Variants in MBP observed in about 807,000 individuals in gnomAD.
MBP encodes the protein myelin basic protein.
MBP carries 16 observed loss-of-function variants against 35.8 expected under a neutral mutation model. That is an observed-to-expected ratio of 0.45 (90% CI 0.30 to 0.68). The LOEUF is 0.68. MBP is among the 30% of genes least tolerant of loss of function. MBP has a pLI of 0.08. For synonymous variants in MBP, 143 were observed against 159.6 expected (o/e 0.90, Z 0.78); for missense variants, 380 against 404.7 (o/e 0.94, Z 0.52).
At chr18:77,123,216 G>A (rs1367486655) in intron 1 of MBP, among the ~76,000 whole-genome samples, 1 of 152,130 alleles carries the variant, frequency 6.6e-6, no homozygotes, top group Non-Finnish European at 1.5e-5. Flanking sequence ...TAGCAAACAT[G>A]GTAGCTTTCA....
intron 7 of MBP, chr18:76,986,746 C>A: frequency 3.0e-6 from 3 of 985,490 alleles, no homozygotes; most frequent in Non-Finnish European, 3.6e-6. Context: ...CACTTCCCTG[C>A]AAGCGTTAAG....
At chr18:77,004,205 T>C (rs1419288665) in intron 4 of MBP, 1 of 152,026 alleles carries the variant, frequency 6.6e-6, no homozygotes, top group Non-Finnish European at 1.5e-5. Flanking sequence ...TTTTCAATAC[T>C]AGTTAAATAC....
intron 1 of MBP, among the ~76,000 whole-genome samples, chr18:77,112,444 C>A (rs549119300): frequency 2.4e-4 from 37 of 152,324 alleles, no homozygotes; most frequent in African/African-American, 8.2e-4. Flanking sequence ...GCTTTCCCAG[C>A]CCTCGTGCAT....
chr18:77,042,089 G>A (rs936378026), intron 3 of MBP, among the ~76,000 whole-genome samples: 1 of 152,026 alleles, frequency 6.6e-6, no homozygotes, highest in African/African-American at 2.4e-5. Flanking sequence ...CAGAAATCAA[G>A]GAAAACCATG....
Position 76,984,929 on chromosome 18 carries a change from C to T in MBP, c.751-35G>A, listed in dbSNP as rs149486356. The T allele has an allele frequency of 3.8e-4, 606 of 1,609,684 alleles. 1 individual carries two copies. Among genetic ancestry groups the T allele is most frequent in the Admixed American group, 7.7e-4 (46 of 59,988 alleles). Reference sequence around the variant, plus strand: ...AAGACCACGGAGCTCAACCTCCACCCGCGGTGCTGGGCACGCTGCTTGAGC... The same window carrying T: ...AAGACCACGGAGCTCAACCTCCACCTGCGGTGCTGGGCACGCTGCTTGAGC... On this transcript the variant is annotated intron_variant, in intron 7 of 8. Coordinates refer to ENST00000355994, the MANE Select transcript of MBP (RefSeq NM_001025101.2).
chr18:77,016,037 G>C (rs1971604699), intron 4 of MBP: 35 of 985,306 alleles, frequency 3.6e-5, no homozygotes, highest in Non-Finnish European at 3.9e-5. Flanking sequence ...GTAAAATACT[G>C]CATCTGCAAT....
intron 2 of MBP, among the ~76,000 whole-genome samples, chr18:77,075,988 G>T (rs146456974): frequency 6.6e-6 from 1 of 152,202 alleles, no homozygotes; most frequent in East Asian, 1.9e-4. Flanking sequence ...GGAGGGATTC[G>T]ATTACATTTA....
chr18:77,013,342 C>A (rs1971453487), intron 4 of MBP: 2 of 985,336 alleles, frequency 2.0e-6, no homozygotes, highest in Non-Finnish European at 1.2e-6. Flanking sequence ...TGTGTTGCTG[C>A]TGCCTTCCGT....
chr18:77,083,011 G>A (rs1269147286), intron 2 of MBP, among the ~76,000 whole-genome samples: 5 of 150,826 alleles, frequency 3.3e-5, no homozygotes, highest in East Asian at 3.9e-4. Flanking sequence ...GTCTTGTTCC[G>A]TCACCCAGGC....
intron 2 of MBP, among the ~76,000 whole-genome samples, chr18:77,088,166 T>C (rs1009969111): frequency 6.6e-6 from 1 of 152,156 alleles, no homozygotes; most frequent in East Asian, 1.9e-4. Context: ...AAACAAATAC[T>C]GTAGCCTGGG....
chr18:77,124,661 G>A (rs1045321730), intron 1 of MBP, among the ~76,000 whole-genome samples: 5 of 152,226 alleles, frequency 3.3e-5, no homozygotes, highest in Admixed American at 1.3e-4. Flanking sequence ...ACCCACAGGA[G>A]ATAGGAGATA....
intron 1 of MBP, among the ~76,000 whole-genome samples, chr18:77,111,851 A>T (rs1374923949): frequency 6.6e-6 from 1 of 152,224 alleles, no homozygotes; most frequent in Non-Finnish European, 1.5e-5. Flanking sequence ...TTGAAAAAGA[A>T]ATCCTGGAGA....
intron 7 of MBP, chr18:76,986,560 A>C (rs1208895462): frequency 2.0e-6 from 2 of 985,484 alleles, no homozygotes; most frequent in Admixed American, 1.2e-4. Flanking sequence ...TCGTGTGAAC[A>C]GTTGATTCGG....
Position 76,980,471 on chromosome 18 carries a change from C to T in MBP, c.871G>A (p.Gly291Arg). The change falls in exon 9 of 9, where the codon GGA becomes AGA. Residue 291 changes from glycine (G) to arginine (R), a missense_variant and splice_region_variant. Coordinates refer to ENST00000355994, the MANE Select transcript of MBP (RefSeq NM_001025101.2). ...QGTLSKIFKL[G>R]GRDSRSGSPM... Reference sequence around the variant, plus strand: ...GATCCAGAGCGACTATCTCTTCCTCCCTGAAAAGGAAGAGAGAGGAGTTAG... The same window carrying T: ...GATCCAGAGCGACTATCTCTTCCTCTCTGAAAAGGAAGAGAGAGGAGTTAG... 1.2e-6 allele frequency: 2 copies of T among 1,613,098 alleles called. No individual in the cohort carries two copies. The highest frequency in any genetic ancestry group is 1.1e-5 in the South Asian group (1 of 91,046).
intron 2 of MBP, among the ~76,000 whole-genome samples, chr18:77,084,382 C>T (rs1231075987): frequency 6.8e-6 from 1 of 147,726 alleles, no homozygotes; most frequent in Non-Finnish European, 1.5e-5. Context: ...GCGAAAACCA[C>T]AACCCTGCAA....
chr18:77,058,708 G>A (rs1746971929), intron 3 of MBP, among the ~76,000 whole-genome samples: 1 of 152,254 alleles, frequency 6.6e-6, no homozygotes, highest in Admixed American at 6.5e-5. Flanking sequence ...CTCCAGGCCT[G>A]TGGGGTCAAG....
intron 4 of MBP, among the ~76,000 whole-genome samples, chr18:76,997,512 C>CTT (rs1568274812): frequency 6.6e-6 from 1 of 152,218 alleles, no homozygotes; most frequent in Non-Finnish European, 1.5e-5. Flanking sequence ...CTCTGGTGAG[C>CTT]TTTTATATTG....
intron 4 of MBP, among the ~76,000 whole-genome samples, chr18:77,009,654 G>A (rs1971215875): frequency 6.6e-6 from 1 of 152,238 alleles, no homozygotes; most frequent in South Asian, 2.1e-4. Flanking sequence ...CCCCTCTTGG[G>A]CATTTGTCTC....
In MBP at chr18:76,988,078, C is replaced by A. The variant is rs1252741163; in HGVS notation, c.750+417G>T. 1 of 1,459,980 alleles carries A rather than the reference C, an allele frequency of 6.8e-7. No homozygotes were observed. Among genetic ancestry groups the A allele is most frequent in the African/African-American group, 1.4e-5 (1 of 70,696 alleles). The allele number at this position is 1,459,980 out of a possible 1,614,324, so 90.4% of individuals were successfully genotyped here. ...ATCAGCAGAATCATTTTCCCAGTGT[C>A]AGCATCTGGGGTCACTGAGACGGGC... is the stretch of plus-strand genomic sequence containing the variant. On this transcript the variant is annotated intron_variant, in intron 7 of 8. Coordinates refer to ENST00000355994, the MANE Select transcript of MBP (RefSeq NM_001025101.2). This position sits in a 1 kb window ranked among gnomAD's most constrained non-coding sequence, Gnocchi z 5.2.
Sources: gnomAD v4.1 joint callset for allele counts (sites outside exome capture counted in the v4.1 genomes callset) on GRCh38, gnomAD v4.1.1 for gene constraint, Gnocchi (gnomAD v3.1) non-coding constraint, MANE v1.5 for transcripts, NCBI Gene and HGNC (gene_info 2026-07-23, HGNC 2026-07-21) for gene names.